COL4A6: variants seen among roughly 807,000 people sequenced by gnomAD.
The protein encoded by COL4A6 is collagen alpha-6(IV) chain.
In COL4A6, 59 loss-of-function variants were observed where a neutral mutation model predicts 126.7. The observed-to-expected ratio is 0.47, with a 90% CI of 0.38 to 0.58. The LOEUF is 0.58. Among genes scored for constraint, COL4A6 ranks in the 20% least tolerant of loss-of-function variants. The pLI is 0.00. For missense variants in COL4A6, 1,285 were observed against 1,337.3 expected (o/e 0.96, Z 0.61); for synonymous variants, 547 against 496.6 (o/e 1.10, Z -1.35).
chrX:108,404,209 A>C (rs2041157239), intron 2 of COL4A6, among the ~76,000 whole-genome samples: 1 of 112,255 alleles, frequency 8.9e-6, no homozygotes, highest in African/African-American at 3.2e-5. Flanking sequence ...ACAGACTAAG[A>C]CATATTATTT....
At chrX:108,190,159 G>A (rs1368124765) in intron 20 of COL4A6, among the ~76,000 whole-genome samples, 2 of 112,292 alleles carry the variant, frequency 1.8e-5, no homozygotes, top group Non-Finnish European at 3.8e-5. Context: ...TGGGCTGCAG[G>A]TGGAGGAGAA....
chrX:108,228,879 T>A (rs1188674489), intron 3 of COL4A6, among the ~76,000 whole-genome samples: 2 of 112,425 alleles, frequency 1.8e-5, no homozygotes, highest in Admixed American at 1.9e-4. Context: ...AATGCATTTT[T>A]AAAATTATAC....
At chrX:108,192,415 T>C in intron 18 of COL4A6, 58 bp downstream of exon 18, 1 of 877,874 alleles carries the variant, frequency 1.1e-6, no homozygotes, top group Non-Finnish European at 1.6e-6. Flanking sequence ...AAGGGAATGC[T>C]GGGAACCACA....
chrX:108,290,789 A>C (rs1290748834), intron 3 of COL4A6, among the ~76,000 whole-genome samples: 1 of 112,384 alleles, frequency 8.9e-6, no homozygotes, highest in Non-Finnish European at 1.9e-5. Context: ...AATAAGCAGC[A>C]CAGCAGAGAG....
rs1018342446 is a variant in COL4A6 at position 108,320,753 on chromosome X, C to T, written c.64-9925G>A. Among the ~76,000 whole-genome samples the T allele has an allele frequency of 3.6e-5, 4 of 111,881 alleles. No individual in the cohort carries two copies. The Admixed American group carries it at 3.8e-4, about 11-fold the overall frequency. On this transcript the variant is annotated intron_variant, in intron 2 of 44. Transcript: ENST00000334504. Reference sequence around the variant, plus strand: ...ATGGTTGTTGAAATGGCTGCTCATTCCTGGTTTCATACAGCATAATGAAAC... The same window carrying T: ...ATGGTTGTTGAAATGGCTGCTCATTTCTGGTTTCATACAGCATAATGAAAC...
chrX:108,338,142 A>G (rs2039476933), intron 2 of COL4A6, among the ~76,000 whole-genome samples: 1 of 111,846 alleles, frequency 8.9e-6, no homozygotes, highest in Non-Finnish European at 1.9e-5. Context: ...TTTCCAGCTG[A>G]TAATAGAGAA....
intron 3 of COL4A6, among the ~76,000 whole-genome samples, chrX:108,259,743 T>C (rs896157909): frequency 1.8e-5 from 2 of 111,871 alleles, no homozygotes; most frequent in Non-Finnish European, 3.8e-5. Context: ...AGAGGGAAAA[T>C]AACTTTAATC....
intron 3 of COL4A6, among the ~76,000 whole-genome samples, chrX:108,292,915 C>T (rs2038199760): frequency 1.0e-5 from 1 of 98,042 alleles, no homozygotes; most frequent in Non-Finnish European, 2.0e-5. Context: ...TGCCACTACC[C>T]TCCAGCCTGG....
At chrX:108,368,184 A>G (rs939205988) in intron 2 of COL4A6, among the ~76,000 whole-genome samples, 2 of 110,038 alleles carry the variant, frequency 1.8e-5, no homozygotes, top group African/African-American at 3.3e-5. Context: ...GGTATAGCTT[A>G]CTATCTATAT....
At chrX:108,349,146 T>C (rs971490179) in intron 2 of COL4A6, among the ~76,000 whole-genome samples, 1 of 111,790 alleles carries the variant, frequency 8.9e-6, no homozygotes, top group South Asian at 3.9e-4. Context: ...AGTAGAGTCA[T>C]TGTTTGTTTG....
chrX:108,423,095 T>C (rs1360227805), intron 2 of COL4A6, among the ~76,000 whole-genome samples: 1 of 112,420 alleles, frequency 8.9e-6, no homozygotes, highest in Non-Finnish European at 1.9e-5. Context: ...AAAATCTTAC[T>C]AAATTTGATG....
chrX:108,184,785 TTTCTGTA>T (rs758847777), intron 23 of COL4A6, among the ~76,000 whole-genome samples: 1 of 112,636 alleles, frequency 8.9e-6, no homozygotes, highest in South Asian at 3.7e-4. Flanking sequence ...TCCTAATAAC[TTTCTGTA>T]TCCAGGGACT....
intron 30 of COL4A6, 78 bp from the exon 31 acceptor site, chrX:108,174,699 G>T: frequency 1.1e-6 from 1 of 929,789 alleles, no homozygotes; most frequent in Non-Finnish European, 1.5e-6. Flanking sequence ...GGTGCCCCAG[G>T]TCGCAGGCCA....
intron 3 of COL4A6, among the ~76,000 whole-genome samples, chrX:108,286,407 C>A (rs2038008591): frequency 9.0e-6 from 1 of 111,712 alleles, no homozygotes; most frequent in African/African-American, 3.3e-5. Context: ...CTAGCTGTTC[C>A]CCTATTTCAG....
At chrX:108,223,165 G>A (rs372818639) in intron 3 of COL4A6, among the ~76,000 whole-genome samples, 60 of 111,488 alleles carry the variant, frequency 5.4e-4, no homozygotes, top group African/African-American at 1.8e-3. Context: ...TCACTCATAC[G>A]TGGGAGTTGA....
intron 2 of COL4A6, among the ~76,000 whole-genome samples, chrX:108,346,510 C>T (rs963950760): frequency 9.8e-5 from 11 of 111,849 alleles, no homozygotes; most frequent in Admixed American, 2.8e-4. Context: ...ATGTGCTACA[C>T]GAAAAATATC....
chrX:108,163,309 G>A (rs1056347884), intron 40 of COL4A6: 1 of 289,988 alleles, frequency 3.4e-6, no homozygotes, highest in Non-Finnish European at 5.9e-6. Context: ...GTGGGTGACA[G>A]GCAGTCCAGA....
At chrX:108,311,636 G>C (rs2038763424) in intron 2 of COL4A6, among the ~76,000 whole-genome samples, 1 of 111,730 alleles carries the variant, frequency 9.0e-6, no homozygotes, top group African/African-American at 3.3e-5. Flanking sequence ...TCTTCTCCTA[G>C]ATATTTTTTA....
rs1159235252 is a variant in COL4A6 at position 108,157,196 on chromosome X, T to C, written c.4877A>G (p.Asp1626Gly). The C allele has an allele frequency of 3.3e-6, 4 of 1,209,962 alleles. No individual in the cohort carries two copies. In the South Asian group the frequency reaches 7.0e-5, roughly 21 times the overall value. The change falls in exon 45 of 45, where the codon GAC becomes GGC. Residue 1626 changes from aspartate (D) to glycine (G), a missense_variant. Physicochemically the swap from Asp to Gly is moderately conservative, Grantham distance 94 (BLOSUM62 -1). Transcript: ENST00000334504. ...SLVSPGSCLEDFRATPFIECS... is the reference protein window; with the variant it reads ...SLVSPGSCLEGFRATPFIECS... Reference sequence around the variant, plus strand: ...TTCGATGAAAGGAGTGGCCCGAAAGTCCTCTAGGCAGGAGCCAGGTGAGAC... The same window carrying C: ...TTCGATGAAAGGAGTGGCCCGAAAGCCCTCTAGGCAGGAGCCAGGTGAGAC...
Sources: allele counts gnomAD v4.1 joint callset (sites outside exome capture counted in the v4.1 genomes callset), GRCh38; gene constraint gnomAD v4.1.1; transcripts MANE v1.5; gene names NCBI Gene and HGNC (gene_info 2026-07-23, HGNC 2026-07-21).